Variants in PCDHA4 observed in about 807,000 individuals in gnomAD.
PCDHA4 encodes the protein protocadherin alpha 4.
PCDHA4 carries 49 observed loss-of-function variants against 61.4 expected under a neutral mutation model. The observed-to-expected ratio is 0.80, with a 90% confidence interval of 0.63 to 1.01. The LOEUF (loss-of-function observed/expected upper bound fraction) is 1.01, where lower values mean the gene tolerates loss of function less well. PCDHA4 is among the 50% of genes least tolerant of loss of function. The probability of loss-of-function intolerance (pLI) is 0.00; values close to 1 mark genes in which losing one functional copy is unlikely to be tolerated. For synonymous variants in PCDHA4, 590 were observed against 550.3 expected, an observed-to-expected ratio of 1.07 and a Z score of -1.01; for missense variants, 1,254 against 1,235.8, an observed-to-expected ratio of 1.01 and a Z score of -0.22.
intron 1 of PCDHA4, among the ~76,000 whole-genome samples, chr5:140,924,825 G>A (rs1282051408): frequency 1.3e-5 from 2 of 151,514 alleles, no homozygotes; most frequent in African/African-American, 4.9e-5. Flanking sequence ...AACCTGGGAG[G>A]GGGAGGTTGC....
rs782671966 is a variant in PCDHA4 at position 140,857,602 on chromosome 5, G to T, written c.2385+48030G>T. ...ACGCGGAGAGCGGCAAGGTGTACGCGCTGCAGCCGCTGGACCACGAGGAGC... is the reference window on the plus strand; with the variant it reads ...ACGCGGAGAGCGGCAAGGTGTACGCTCTGCAGCCGCTGGACCACGAGGAGC... On this transcript the variant is annotated intron_variant, in intron 1 of 3. Coordinates refer to ENST00000530339, the MANE Select transcript of PCDHA4 (RefSeq NM_018907.4). 17 of 1,596,266 alleles carry T rather than the reference G, an allele frequency of 1.1e-5. 1 individual carries two copies. Among genetic ancestry groups the T allele is most frequent in the Non-Finnish European group, 1.5e-5 (17 of 1,167,710 alleles).
In PCDHA4 at chr5:140,848,822, C is replaced by T. The variant is rs2150421511; in HGVS notation, c.2385+39250C>T. The T allele has an allele frequency of 1.9e-6, 3 of 1,590,462 alleles. 1 individual carries two copies. The highest frequency in any genetic ancestry group is 3.4e-5 in the Admixed American group (2 of 58,802). ...AGTGCAGCATCCACCTGGAGGTGATCGTAGACAGGCCGCTGCAGGTTTTCC... is the reference window on the plus strand; with the variant it reads ...AGTGCAGCATCCACCTGGAGGTGATTGTAGACAGGCCGCTGCAGGTTTTCC... On this transcript the variant is annotated intron_variant, in intron 1 of 3. Transcript: ENST00000530339.
In PCDHA4 at chr5:140,870,852, G is replaced by T. The variant is rs782301779; in HGVS notation, c.2385+61280G>T. 6 of 1,613,862 alleles carry T rather than the reference G, an allele frequency of 3.7e-6. 1 individual carries two copies. The South Asian group carries it at 6.6e-5, about 18-fold the overall frequency. On this transcript the variant is annotated intron_variant, in intron 1 of 3. Coordinates refer to ENST00000530339, the MANE Select transcript of PCDHA4 (RefSeq NM_018907.4). ...CAGTTAACAAGCTAGTACCGCGGTC[G>T]GTGGGTGCGGGCCACGTGGTGGCGA...
intron 1 of PCDHA4, among the ~76,000 whole-genome samples, chr5:140,936,113 G>A (rs1316824905): frequency 2.0e-5 from 3 of 151,964 alleles, no homozygotes; most frequent in South Asian, 2.1e-4. Context: ...GGCTGGTCTC[G>A]AACTCCTGAC....
intron 1 of PCDHA4, chr5:140,867,470 T>C (rs1010353201): frequency 2.0e-5 from 3 of 152,066 alleles, no homozygotes; most frequent in Non-Finnish European, 4.4e-5. Context: ...ATGACAACAT[T>C]GGGAAAAGAG....
intron 1 of PCDHA4, among the ~76,000 whole-genome samples, chr5:140,945,397 A>G (rs2093784345): frequency 6.6e-6 from 1 of 152,132 alleles, no homozygotes; most frequent in Admixed American, 6.5e-5. Context: ...TACAAATTCA[A>G]TACAATTCGT....
Position 140,850,144 on chromosome 5 carries a change from C to G in PCDHA4, c.2385+40572C>G. On this transcript the variant is annotated intron_variant, in intron 1 of 3. Transcript: ENST00000530339. ...GTGCCGCCTCTGGGCAGCAACGTGA[C>G]GCTGCAGGTGTTCGTGCTGGACGAG... The G allele has an allele frequency of 1.9e-6, 3 of 1,595,628 alleles. 1 individual carries two copies. In the African/African-American group the frequency reaches 4.0e-5, roughly 21 times the overall value.
intron 3 of PCDHA4, among the ~76,000 whole-genome samples, chr5:140,994,878 A>G (rs1034578696): frequency 2.0e-5 from 3 of 152,170 alleles, no homozygotes; most frequent in Non-Finnish European, 4.4e-5. Context: ...GAATAAAGAG[A>G]TGTTAGGAAA....
chr5:140,824,222 C>G (rs2150133268), intron 1 of PCDHA4: 1 of 1,556,634 alleles, frequency 6.4e-7, no homozygotes, highest in South Asian at 1.1e-5. Context: ...AAAATTATGT[C>G]TTAGTACACA....
intron 1 of PCDHA4, chr5:140,869,588 T>C (rs1404476349): frequency 3.7e-6 from 6 of 1,614,114 alleles, no homozygotes; most frequent in East Asian, 2.2e-5. Context: ...GATGCTGACA[T>C]TGAAGAGAAT....
rs782195065 is a variant in PCDHA4 at position 140,808,655 on chromosome 5, G to T, written c.1468G>T (p.Val490Leu). 8 of 1,613,096 alleles carry T rather than the reference G, an allele frequency of 5.0e-6. No individual in the cohort carries two copies. In the South Asian group the frequency reaches 8.8e-5, roughly 18 times the overall value. Residue 490 changes from valine (V) to leucine (L), a missense_variant, in exon 1 of 4, where the codon GTG (valine) becomes TTG (leucine). Transcript: ENST00000530339. ...CGCGGACGCGCAGGAGAACGCGCTGGTGTCCTACTCGCTGGTAGAGCGGCG... is the reference window on the plus strand; with the variant it reads ...CGCGGACGCGCAGGAGAACGCGCTGTTGTCCTACTCGCTGGTAGAGCGGCG... ...WDADAQENAL[V>L]SYSLVERRVG...
At position 140,835,650 on chromosome 5, in the gene PCDHA4, C is replaced by T. The variant is rs2150240759; in HGVS notation, c.2385+26078C>T. The T allele has an allele frequency of 2.2e-5, 35 of 1,613,820 alleles. 1 individual carries two copies. The highest frequency in any genetic ancestry group is 2.2e-4 in the Admixed American group (13 of 59,994). On this transcript the variant is annotated intron_variant, in intron 1 of 3. Coordinates refer to ENST00000530339, the MANE Select transcript of PCDHA4 (RefSeq NM_018907.4). ...CCGCGAGAGTGTGTCCGCCTATGAG[C>T]TGGTGGTTACCGCGCGGGACGGGGG...
chr5:140,924,921 T>A (rs1167960449), intron 1 of PCDHA4, among the ~76,000 whole-genome samples: 5 of 126,218 alleles, frequency 4.0e-5, no homozygotes, highest in African/African-American at 1.5e-4. Context: ...TAAAATAAAA[T>A]AAAATAAAAT....
intron 3 of PCDHA4, among the ~76,000 whole-genome samples, chr5:141,001,985 G>A (rs536683790): frequency 6.6e-5 from 10 of 152,194 alleles, no homozygotes; most frequent in Non-Finnish European, 1.5e-4. Flanking sequence ...GGAAAGCCTG[G>A]AAGTTCACTT....
intron 3 of PCDHA4, among the ~76,000 whole-genome samples, chr5:140,986,690 AAC>A (rs2097209708): frequency 6.6e-6 from 1 of 152,172 alleles, no homozygotes; most frequent in South Asian, 2.1e-4. Context: ...AAAGTTTCAA[AAC>A]ACACAGCACT....
intron 1 of PCDHA4, among the ~76,000 whole-genome samples, chr5:140,935,973 A>C (rs956262031): frequency 1.3e-5 from 2 of 150,786 alleles, no homozygotes; most frequent in Admixed American, 1.3e-4. Flanking sequence ...GCTCACTGCA[A>C]TCTCTGCCTC....
chr5:140,871,607 AT>A, intron 1 of PCDHA4: 1 of 1,438,710 alleles, frequency 7.0e-7, no homozygotes. Flanking sequence ...AGTGTTTTGA[AT>A]ATTGTTTTAG....
intron 1 of PCDHA4, chr5:140,876,450 G>T (rs2153340874): frequency 6.2e-7 from 1 of 1,614,012 alleles, no homozygotes; most frequent in Non-Finnish European, 8.5e-7. Context: ...TTGATAAAGG[G>T]ATTCCTTCCA....
intron 1 of PCDHA4, among the ~76,000 whole-genome samples, chr5:140,898,521 AGGG>A (rs1583310812): frequency 6.6e-6 from 1 of 152,252 alleles, no homozygotes; most frequent in East Asian, 1.9e-4. Context: ...GTTATTTCTG[AGGG>A]CTCTGTTCTG....
Sources: allele counts gnomAD v4.1 joint callset (sites outside exome capture counted in the v4.1 genomes callset), GRCh38; gene constraint gnomAD v4.1.1; transcripts MANE v1.5; gene names NCBI Gene and HGNC (gene_info 2026-07-23, HGNC 2026-07-21).